Variants in REXO5 observed in about 807,000 individuals in gnomAD.
REXO5 encodes the protein RNA exonuclease 5.
In REXO5, 48 loss-of-function variants were observed where a neutral mutation model predicts 88.5. The observed-to-expected ratio is 0.54, with a 90% CI of 0.43 to 0.69. The LOEUF (loss-of-function observed/expected upper bound fraction) is 0.69, where lower values mean the gene tolerates loss of function less well. REXO5 is among the 30% of genes least tolerant of loss of function. The pLI, the probability that REXO5 is intolerant of heterozygous loss-of-function variation, is 0.00. For missense variants in REXO5, 749 were observed against 912.2 expected, an observed-to-expected ratio of 0.82 and a Z score of 2.30; for synonymous variants, 311 against 336.5, an observed-to-expected ratio of 0.92 and a Z score of 0.83.
In REXO5 at chr16:20,845,095, C is replaced by G; in HGVS notation, c.1978C>G (p.Leu660Val). 1 of 1,614,146 alleles carries G rather than the reference C, an allele frequency of 6.2e-7. No individual in the cohort carries two copies. ...FGSAQQALNI[L>V]TGKDWKLKGR... is the part of the protein sequence containing the mutation. Reference sequence around the variant, plus strand: ...CAGTGCCCAGCAGGCCCTCAACATTCTCACAGGCAAGGACTGGAAGCTGAA... The same window carrying G: ...CAGTGCCCAGCAGGCCCTCAACATTGTCACAGGCAAGGACTGGAAGCTGAA... The change falls in exon 18 of 20, where the codon CTC becomes GTC. Residue 660 changes from leucine (L) to valine (V), a missense_variant. Leu to Val is a conservative substitution (Grantham distance 32). Transcript: ENST00000261377.
intron 11 of REXO5, among the ~76,000 whole-genome samples, chr16:20,831,431 A>AT (rs1233109684): frequency 6.6e-6 from 1 of 152,146 alleles, no homozygotes; most frequent in African/African-American, 2.4e-5. Context: ...CCAAATCTGA[A>AT]TTAAGCATGG....
At chr16:20,842,656 T>C (rs917779191) in intron 15 of REXO5, among the ~76,000 whole-genome samples, 4 of 152,060 alleles carry the variant, frequency 2.6e-5, no homozygotes, top group Non-Finnish European at 5.9e-5. Context: ...GGTCTCTCTA[T>C]GTTGCCCAGG....
Position 20,807,303 on chromosome 16 carries a change from G to A in REXO5, c.138+212G>A, listed in dbSNP as rs570826923. ...GTCACTGGGATAGTGAGTCGGCCGA[G>A]TGCGGTGGCTCATGCCTGTAATTCC... On this transcript the variant is annotated intron_variant, in intron 2 of 19. Coordinates refer to ENST00000261377, the MANE Select transcript of REXO5 (RefSeq NM_030941.3). 251 of 604,794 alleles carry A rather than the reference G, an allele frequency of 4.2e-4. 1 individual carries two copies. The African/African-American group carries it at 4.2e-3, about 10-fold the overall frequency. 37.5% of individuals were successfully genotyped at this position (604,794 alleles called of 1,614,324 possible).
intron 15 of REXO5, among the ~76,000 whole-genome samples, chr16:20,843,258 C>T (rs1358106145): frequency 1.3e-5 from 2 of 152,156 alleles, no homozygotes; most frequent in Non-Finnish European, 2.9e-5. Context: ...TAGGATTTCT[C>T]TGTACATTCT....
At chr16:20,845,313 T>A in intron 18 of REXO5, 72 bp downstream of exon 18, 2 of 1,224,060 alleles carry the variant, frequency 1.6e-6, no homozygotes, top group Non-Finnish European at 2.2e-6. Flanking sequence ...CCTTTAATCT[T>A]TTTTTTTTTT....
rs1210630048 is a variant in REXO5, at chr16:20,806,533, G to A, written c.-175G>A. The A allele has an allele frequency of 1.1e-5, 17 of 1,529,608 alleles. No homozygotes were observed. In the Admixed American group the frequency reaches 3.2e-4, roughly 29 times the overall value. The allele number at this position is 1,529,608 out of a possible 1,614,324, so 94.8% of individuals were successfully genotyped here. A position where few individuals can be genotyped will look rare whatever the true frequency, so the allele number is the denominator to read the frequency against. On this transcript the variant is annotated 5_prime_UTR_variant, in exon 1 of 20. Coordinates refer to ENST00000261377, the MANE Select transcript of REXO5 (RefSeq NM_030941.3). ...GCGAGGCTGAGGGGCGGTTGTTGTT[G>A]GCAGCTGTGGCTAAGGAGGGGAGAA... is the stretch of plus-strand genomic sequence containing the variant.
intron 11 of REXO5, 87 bp downstream of exon 11, chr16:20,828,624 A>G: frequency 2.1e-6 from 2 of 956,194 alleles, no homozygotes; most frequent in South Asian, 1.3e-5. Flanking sequence ...CCTATTATCT[A>G]TTTTTATGAA....
upstream of REXO5, chr16:20,806,510 G>A (rs2152497124): frequency 1.9e-6 from 3 of 1,542,338 alleles, no homozygotes; most frequent in Non-Finnish European, 2.6e-6. Context: ...AAAAGCCCGC[G>A]AGGCTGAGGG....
chr16:20,834,084 C>G (rs2081387849), intron 13 of REXO5, among the ~76,000 whole-genome samples: 1 of 152,204 alleles, frequency 6.6e-6, no homozygotes, highest in South Asian at 2.1e-4. Flanking sequence ...TGCATGCCCC[C>G]CTCCCTTTCT....
At chr16:20,843,502 T>G (rs555511694) in intron 15 of REXO5, among the ~76,000 whole-genome samples, 2 of 152,230 alleles carry the variant, frequency 1.3e-5, no homozygotes, top group Non-Finnish European at 2.9e-5. Context: ...ATATTGATGC[T>G]ATGGCTCAGA....
chr16:20,845,427 A>G lies in REXO5; in HGVS notation c.2124+186A>G, dbSNP rs2081592989. 2.0e-5 allele frequency among the ~76,000 whole-genome samples: 3 copies of G among 151,618 alleles called. No individual in the cohort carries two copies. In the South Asian group the frequency reaches 6.2e-4, roughly 32 times the overall value. On this transcript the variant is annotated intron_variant, in intron 18 of 19. Coordinates refer to ENST00000261377, the MANE Select transcript of REXO5 (RefSeq NM_030941.3). The stretch of plus-strand genomic sequence containing the variant: ...CTTTTGCCCCCACCATACCTGCTAA[A>G]CTTAGTTTTTTAGTCTTCCAGATCT...
rs980490457 is a variant in REXO5, at chr16:20,840,429, C to A, written c.1587C>A (p.Gly529=). ...TGAAGAGGCTGTTTAAAAGCTTTGGCCCAGTCCAGTCAATGACTTTTGTTC... is the reference window on the plus strand; with the variant it reads ...TGAAGAGGCTGTTTAAAAGCTTTGGACCAGTCCAGTCAATGACTTTTGTTC... ...RALKRLFKSF[G]PVQSMTFVLE... is the part of the protein sequence containing the mutation. The change falls in exon 15 of 20, where the codon GGC becomes GGA. Residue 529 remains glycine, a synonymous_variant. Coordinates refer to ENST00000261377, the MANE Select transcript of REXO5 (RefSeq NM_030941.3). The A allele has an allele frequency of 1.3e-6, 2 of 1,569,176 alleles. No homozygotes were observed. The highest frequency in any genetic ancestry group is 1.2e-5 in the South Asian group (1 of 84,662).
intron 5 of REXO5, among the ~76,000 whole-genome samples, chr16:20,820,579 T>C (rs1297712256): frequency 4.0e-5 from 4 of 99,762 alleles, no homozygotes; most frequent in Non-Finnish European, 5.8e-5. Context: ...TTTTTTTTTT[T>C]TTGAGACAGA....
chr16:20,816,325 A>AT (rs5816137), intron 5 of REXO5, 113 bp downstream of exon 5: 618 of 501,228 alleles, frequency 1.2e-3, no homozygotes, highest in African/African-American at 2.3e-3. Context: ...CACAAAAACA[A>AT]TTTTTTTTTT....
At chr16:20,839,654 C>T (rs372718584) in intron 13 of REXO5, 101 bp from the exon 14 acceptor site, 4 of 660,368 alleles carry the variant, frequency 6.1e-6, no homozygotes, top group Admixed American at 2.8e-5. Context: ...TTTCAGTATG[C>T]GTAAAAAGAC....
chr16:20,817,650 G>A (rs531699630), intron 5 of REXO5, among the ~76,000 whole-genome samples: 35 of 152,182 alleles, frequency 2.3e-4, no homozygotes, highest in Non-Finnish European at 4.0e-4. Context: ...AGCCAGAGAG[G>A]TTAGGGCAAC....
chr16:20,847,523 T>C (rs2081627593), intron 19 of REXO5, among the ~76,000 whole-genome samples: 1 of 151,992 alleles, frequency 6.6e-6, no homozygotes, highest in African/African-American at 2.4e-5. Context: ...CAGAAGAAAT[T>C]CATTTCCTAG....
chr16:20,844,128 G>A (rs567608182), intron 16 of REXO5, 102 bp downstream of exon 16: 71 of 690,416 alleles, frequency 1.0e-4, no homozygotes, highest in Non-Finnish European at 1.6e-4. Context: ...AGAGGCCCAC[G>A]CACAAGACTT....
At chr16:20,819,610 C>T (rs1382256784) in intron 5 of REXO5, among the ~76,000 whole-genome samples, 4 of 151,676 alleles carry the variant, frequency 2.6e-5, no homozygotes, top group Admixed American at 2.0e-4. Flanking sequence ...ACAAAATTAG[C>T]CGGGCGTGGT....
Sources: allele counts gnomAD v4.1 joint callset (sites outside exome capture counted in the v4.1 genomes callset), GRCh38; gene constraint gnomAD v4.1.1; transcripts MANE v1.5; gene names NCBI Gene and HGNC (gene_info 2026-07-23, HGNC 2026-07-21).